DSCAML1: variants seen among roughly 807,000 people sequenced by gnomAD.
DSCAML1 encodes DS cell adhesion molecule like 1.
Under a neutral mutation model 200.5 loss-of-function variants are expected in DSCAML1, and 38 were observed. The observed-to-expected ratio is 0.19, with a 90% CI of 0.15 to 0.25. The LOEUF (loss-of-function observed/expected upper bound fraction) is 0.25, where lower values mean the gene tolerates loss of function less well. Ranked by LOEUF, DSCAML1 falls within the 10% of genes least tolerant of loss-of-function variation. The pLI, the probability that DSCAML1 is intolerant of heterozygous loss-of-function variation, is 1.00. For missense variants in DSCAML1, 2,223 were observed against 2,858.8 expected (o/e 0.78, Z 5.07); for synonymous variants, 1,215 against 1,165.0 (o/e 1.04, Z -0.87).
intron 12 of DSCAML1, 132 bp downstream of exon 12, chr11:117,481,831 G>C: frequency 2.2e-6 from 2 of 916,628 alleles, no homozygotes; most frequent in Admixed American, 4.4e-5. Flanking sequence ...GTGGGAAAGG[G>C]GAGGTACATT....
chr11:117,431,252 C>A (rs1325668521), intron 31 of DSCAML1, among the ~76,000 whole-genome samples: 7 of 152,198 alleles, frequency 4.6e-5, no homozygotes, highest in Non-Finnish European at 8.8e-5. Flanking sequence ...AAGCAACCAT[C>A]CCCTGGAACA....
chr11:117,742,174 G>A lies in DSCAML1; in HGVS notation c.511+34617C>T, dbSNP rs554742053. Among the ~76,000 whole-genome samples, 7 of 152,314 alleles carry A rather than the reference G, an allele frequency of 4.6e-5. No homozygotes were observed. In the East Asian group the frequency reaches 5.8e-4, roughly 13 times the overall value. ...CAGGGATGCATGGAGGAGGAATTGC[G>A]AAACCCAATCCTGAGTTCAGGCCCT... On this transcript the variant is annotated intron_variant, in intron 3 of 32. Transcript: ENST00000651296.
chr11:117,546,718 TG>T (rs972249392), intron 3 of DSCAML1, among the ~76,000 whole-genome samples: 15 of 151,984 alleles, frequency 9.9e-5, no homozygotes, highest in African/African-American at 3.1e-4. Flanking sequence ...CAGACAAATC[TG>T]GGGGAGGGGG....
At chr11:117,591,777 C>T (rs568441459) in intron 3 of DSCAML1, among the ~76,000 whole-genome samples, 8 of 152,254 alleles carry the variant, frequency 5.3e-5, no homozygotes, top group Admixed American at 6.5e-5. Context: ...CATTCTGGAA[C>T]GAGGGAGGAG....
At chr11:117,513,167 C>T (rs1399186000) in intron 8 of DSCAML1, among the ~76,000 whole-genome samples, 1 of 152,096 alleles carries the variant, frequency 6.6e-6, no homozygotes, top group Non-Finnish European at 1.5e-5. Context: ...CGGCCCGGCC[C>T]GTGATGCTGC....
chr11:117,436,627 G>A (rs889684280), intron 26 of DSCAML1, among the ~76,000 whole-genome samples: 1 of 152,130 alleles, frequency 6.6e-6, no homozygotes, highest in Non-Finnish European at 1.5e-5. Context: ...GAGTCTCCAT[G>A]TTCAAAAAGA....
chr11:117,579,020 C>T (rs1482710554), intron 3 of DSCAML1, among the ~76,000 whole-genome samples: 2 of 152,208 alleles, frequency 1.3e-5, no homozygotes, highest in African/African-American at 4.8e-5. Context: ...CTTCTGTTTT[C>T]CTTTCTGCCT....
chr11:117,596,623 C>G (rs556862073), intron 3 of DSCAML1, among the ~76,000 whole-genome samples: 2 of 152,194 alleles, frequency 1.3e-5, no homozygotes, highest in African/African-American at 4.8e-5. Context: ...TCACAGAAAG[C>G]AATGGAAGCA....
Position 117,428,776 on chromosome 11 carries a change from G to A in DSCAML1, c.5714C>T (p.Ala1905Val), listed in dbSNP as rs1455715599. Residue 1905 changes from alanine to valine, a missense_variant, in exon 33 of 33, where the codon GCC becomes GTC. By Grantham distance (64) the Ala-to-Val change is moderately conservative. Coordinates refer to ENST00000651296, the MANE Select transcript of DSCAML1 (RefSeq NM_020693.4). ...KSDYCNLPLY[A>V]KSEAFFRKAD... ...CTTTCGAAAGAAGGCCTCTGACTTG[G>A]CATACAGGGGCAGGTTGCAGTAGTC... 6.2e-7 allele frequency: 1 copy of A among 1,607,402 alleles called. No homozygotes were observed. Among genetic ancestry groups the A allele is most frequent in the Admixed American group, 1.7e-5 (1 of 59,394 alleles).
chr11:117,458,877 G>A lies in DSCAML1; in HGVS notation c.3445C>T (p.Arg1149Trp), dbSNP rs373841969. ...ATGCCCCGCAGCTCCACCCGCTCCC[G>A]CGTGGTGGTGATGTTCTGCATCTCG... is the stretch of plus-strand genomic sequence containing the variant. Reference protein sequence around the residue: ...WGEMQNITTTRERVELRGMEK... With the variant: ...WGEMQNITTTWERVELRGMEK... Residue 1149 changes from arginine (R) to tryptophan (W), a missense_variant, in exon 19 of 33, where the codon CGG becomes TGG. Transcript: ENST00000651296. 1.8e-5 allele frequency: 29 copies of A among 1,613,856 alleles called. No individual in the cohort carries two copies. The highest frequency in any genetic ancestry group is 4.0e-5 in the African/African-American group (3 of 74,926).
chr11:117,805,499 A>C (rs2134086681), intron 1 of DSCAML1, among the ~76,000 whole-genome samples: 1 of 152,356 alleles, frequency 6.6e-6, no homozygotes, highest in Non-Finnish European at 1.5e-5. Context: ...GGTTTGGAAA[A>C]CAGTGGAATA....
chr11:117,505,426 C>T lies in DSCAML1; in HGVS notation c.2062+28G>A, dbSNP rs1325581017. On this transcript the variant is annotated intron_variant, in intron 9 of 32. Transcript: ENST00000651296. The surrounding 1 kb of genome is among the most constrained non-coding windows in gnomAD (Gnocchi z 6.7). ...CAGCAGGCAGAATGGGCTCCTCCCT[C>T]CCCTGAGGCTGGCCTGTCCCTGCTC... is the stretch of plus-strand genomic sequence containing the variant. 4 of 1,598,576 alleles carry T rather than the reference C, an allele frequency of 2.5e-6. No individual in the cohort carries two copies. Among genetic ancestry groups the T allele is most frequent in the South Asian group, 2.2e-5 (2 of 90,866 alleles).
In DSCAML1 at chr11:117,572,471, C is replaced by T. The variant is rs115083151; in HGVS notation, c.512-39949G>A. ...TGTGGATTACTCCTTGTGAAACTGG[C>T]TTGTGGCATTAGCCTCCCCTCCCTA... On this transcript the variant is annotated intron_variant, in intron 3 of 32. Transcript: ENST00000651296. Among the ~76,000 whole-genome samples, 1,187 of 152,290 alleles carry T rather than the reference C, an allele frequency of 7.8e-3. 18 individuals carry two copies. Among genetic ancestry groups the T allele is most frequent in the African/African-American group, 0.027 (1,119 of 41,560 alleles).
At chr11:117,569,431 T>C (rs1450574471) in intron 3 of DSCAML1, among the ~76,000 whole-genome samples, 1 of 152,216 alleles carries the variant, frequency 6.6e-6, no homozygotes, top group African/African-American at 2.4e-5. Context: ...GGGATTTTTG[T>C]ATTTCATAGA....
intron 3 of DSCAML1, among the ~76,000 whole-genome samples, chr11:117,610,182 T>C (rs968000498): frequency 1.1e-4 from 16 of 152,246 alleles, no homozygotes; most frequent in African/African-American, 3.4e-4. Flanking sequence ...ATTGTTTATG[T>C]ACATTCTTAA....
intron 3 of DSCAML1, among the ~76,000 whole-genome samples, chr11:117,627,573 C>G (rs140862064): frequency 5.9e-5 from 9 of 152,296 alleles, no homozygotes; most frequent in African/African-American, 1.7e-4. Context: ...GGCCCCTGCT[C>G]TCTATGTAAA....
intron 3 of DSCAML1, among the ~76,000 whole-genome samples, chr11:117,548,899 C>T (rs1444970352): frequency 6.6e-6 from 1 of 152,144 alleles, no homozygotes; most frequent in Non-Finnish European, 1.5e-5. Flanking sequence ...CTCACATGGG[C>T]TCATTTCTGT....
At chr11:117,761,193 C>T (rs769100455) in intron 3 of DSCAML1, among the ~76,000 whole-genome samples, 32 of 152,112 alleles carry the variant, frequency 2.1e-4, no homozygotes, top group East Asian at 3.9e-4. Context: ...ACCTTCCAGA[C>T]GAGGTCTCAC....
intron 18 of DSCAML1, 58 bp downstream of exon 18, chr11:117,461,375 AACTACGCCTGGAAGCAG>A: frequency 6.3e-7 from 1 of 1,596,716 alleles, no homozygotes; most frequent in Non-Finnish European, 8.6e-7. Flanking sequence ...GCTCAGCTCT[AACTACGCCTGGAAGCAG>A]ACTCCACTGA....
Sources: gnomAD v4.1 joint callset for allele counts (sites outside exome capture counted in the v4.1 genomes callset) on GRCh38, gnomAD v4.1.1 for gene constraint, Gnocchi (gnomAD v3.1) non-coding constraint, MANE v1.5 for transcripts, NCBI Gene and HGNC (gene_info 2026-07-23, HGNC 2026-07-21) for gene names.